Variants in SH3D19 observed in about 807,000 individuals in gnomAD.
SH3D19 encodes the protein SH3 domain containing 19.
Under a neutral mutation model 112.1 loss-of-function variants are expected in SH3D19, and 58 were observed. The ratio of observed to expected loss-of-function variants is 0.52; its 90% CI spans 0.42 to 0.64. The LOEUF is 0.64. SH3D19 is among the 30% of genes least tolerant of loss of function. SH3D19 has a pLI of 0.00. For synonymous variants in SH3D19, 391 were observed against 448.5 expected, an observed-to-expected ratio of 0.87 and a Z score of 1.62; for missense variants, 1,090 against 1,263.4, an observed-to-expected ratio of 0.86 and a Z score of 2.08.
chr4:151,285,974 T>A (rs1475055019), intron 1 of SH3D19, among the ~76,000 whole-genome samples: 2 of 151,066 alleles, frequency 1.3e-5, no homozygotes, highest in Admixed American at 1.3e-4. Context: ...GTAGGAGATT[T>A]TTTTTCAGCC....
intron 3 of SH3D19, among the ~76,000 whole-genome samples, chr4:151,180,415 T>TC (rs1760683081): frequency 6.7e-6 from 1 of 149,470 alleles, no homozygotes; most frequent in South Asian, 2.1e-4. Context: ...TTTTTTCTTT[T>TC]TTTTTTTTTT....
intron 1 of SH3D19, among the ~76,000 whole-genome samples, chr4:151,310,048 C>G (rs1729291481): frequency 1.3e-5 from 2 of 151,636 alleles, no homozygotes; most frequent in South Asian, 4.2e-4. Context: ...CTTTGGGAGG[C>G]TGAGGCAGGA....
chr4:151,287,687 G>T (rs1440758530), intron 1 of SH3D19, among the ~76,000 whole-genome samples: 1 of 152,158 alleles, frequency 6.6e-6, no homozygotes, highest in Non-Finnish European at 1.5e-5. Context: ...TTGAGGTCAG[G>T]AGTTCAAGAC....
At chr4:151,192,172 C>T (rs192424409) in intron 2 of SH3D19, among the ~76,000 whole-genome samples, 64 of 152,176 alleles carry the variant, frequency 4.2e-4, no homozygotes, top group Middle Eastern at 6.8e-3. Context: ...CTCCTGACCT[C>T]GTGATCCGCC....
intron 1 of SH3D19, among the ~76,000 whole-genome samples, chr4:151,322,431 TAAA>T (rs57301959): frequency 2.6e-5 from 1 of 38,430 alleles, no homozygotes; most frequent in Non-Finnish European, 5.3e-5. Flanking sequence ...AGACTCTGCC[TAAA>T]AAAAAAAAAA....
chr4:151,134,648 C>T (rs892045715), intron 15 of SH3D19, among the ~76,000 whole-genome samples: 2 of 152,192 alleles, frequency 1.3e-5, no homozygotes, highest in African/African-American at 4.8e-5. Context: ...CTGCAGGAAG[C>T]ACTGGCATAG....
intron 1 of SH3D19, among the ~76,000 whole-genome samples, chr4:151,255,763 G>A (rs902857167): frequency 1.1e-4 from 17 of 152,366 alleles, no homozygotes; most frequent in East Asian, 1.9e-4. Context: ...ACGAGACTCC[G>A]TCTGCAATCC....
chr4:151,129,639 G>T (rs1750187739), intron 17 of SH3D19, among the ~76,000 whole-genome samples: 1 of 152,184 alleles, frequency 6.6e-6, no homozygotes, highest in South Asian at 2.1e-4. Flanking sequence ...CAAGGTGCTG[G>T]GATTACAGGA....
At position 151,175,122 on chromosome 4, in the gene SH3D19, T is replaced by A. The variant is rs544400187; in HGVS notation, c.1082A>T (p.Lys361Met). The change falls in exon 7 of 20, where the codon AAG (lysine) becomes ATG (methionine). Residue 361 changes from lysine to methionine, a missense_variant. Lys to Met is a moderately conservative substitution (Grantham distance 95, BLOSUM62 -1). Coordinates refer to ENST00000604030, the MANE Select transcript of SH3D19 (RefSeq NM_001378122.1). ...GTENRLKVTS[K>M]EGLTPYPPLQ... ...GGGAGGGTATGGGGTGAGTCCTTCCTTGGAGGTCACCTTGAGTCTGTTCTC... is the reference window on the plus strand; with the variant it reads ...GGGAGGGTATGGGGTGAGTCCTTCCATGGAGGTCACCTTGAGTCTGTTCTC... The A allele has an allele frequency of 3.1e-6, 5 of 1,613,992 alleles. No individual in the cohort carries two copies. Among genetic ancestry groups the A allele is most frequent in the Non-Finnish European group, 4.2e-6 (5 of 1,180,024 alleles).
intron 14 of SH3D19, among the ~76,000 whole-genome samples, 154 bp downstream of exon 14, chr4:151,137,578 A>G (rs140660483): frequency 7.9e-5 from 12 of 152,334 alleles, no homozygotes; most frequent in African/African-American, 2.4e-4. Context: ...ACCATCACCT[A>G]GTTGACCAAA....
intron 1 of SH3D19, among the ~76,000 whole-genome samples, chr4:151,231,112 G>T (rs1025203451): frequency 1.3e-5 from 2 of 152,106 alleles, no homozygotes; most frequent in African/African-American, 4.8e-5. Context: ...CAGCAGCAAT[G>T]TCATTACATC....
At chr4:151,305,713 A>G (rs896492728) in intron 1 of SH3D19, among the ~76,000 whole-genome samples, 2 of 152,278 alleles carry the variant, frequency 1.3e-5, no homozygotes, top group African/African-American at 4.8e-5. Context: ...GAGAACTCTC[A>G]TACATTGCTG....
chr4:151,323,978 C>T (rs980285969), intron 1 of SH3D19, among the ~76,000 whole-genome samples: 1 of 152,156 alleles, frequency 6.6e-6, no homozygotes, highest in South Asian at 2.1e-4. Flanking sequence ...TTTCATTGTA[C>T]TCTTGCAAGA....
At chr4:151,161,633 T>C (rs1224204772) in intron 8 of SH3D19, among the ~76,000 whole-genome samples, 9 of 142,162 alleles carry the variant, frequency 6.3e-5, no homozygotes, top group Non-Finnish European at 1.2e-4. Context: ...TATATATATA[T>C]ATATATATTT....
intron 1 of SH3D19, among the ~76,000 whole-genome samples, chr4:151,302,082 C>G (rs753977523): frequency 1.3e-5 from 2 of 152,164 alleles, no homozygotes; most frequent in African/African-American, 2.4e-5. Context: ...ACTCAAGGTA[C>G]CATGTAACTT....
intron 1 of SH3D19, among the ~76,000 whole-genome samples, chr4:151,242,578 A>C (rs957760362): frequency 1.3e-5 from 2 of 152,238 alleles, no homozygotes; most frequent in African/African-American, 2.4e-5. Flanking sequence ...CAGGTAGCGA[A>C]AGAAAGTAAA....
chr4:151,128,497 T>C (rs1749915244), intron 17 of SH3D19, 141 bp from the exon 18 acceptor site: 2 of 539,708 alleles, frequency 3.7e-6, no homozygotes, highest in Non-Finnish European at 6.1e-6. Context: ...AATTATCTAA[T>C]ACTTTATGTT....
chr4:151,144,338 T>G (rs1342659391), intron 11 of SH3D19: 1 of 1,533,564 alleles, frequency 6.5e-7, no homozygotes, highest in East Asian at 2.2e-5. Flanking sequence ...TAACCTCCTC[T>G]TAAGTTGCTG....
chr4:151,289,242 T>C (rs1775103140), intron 1 of SH3D19, among the ~76,000 whole-genome samples: 1 of 152,130 alleles, frequency 6.6e-6, no homozygotes, highest in Non-Finnish European at 1.5e-5. Flanking sequence ...TCAAAATGGA[T>C]CTAAGACCTA....
Sources: gnomAD v4.1 joint callset for allele counts (sites outside exome capture counted in the v4.1 genomes callset) on GRCh38, gnomAD v4.1.1 for gene constraint, MANE v1.5 for transcripts, NCBI Gene and HGNC (gene_info 2026-07-23, HGNC 2026-07-21) for gene names.